MBNL2: variants seen among roughly 807,000 people sequenced by gnomAD.
MBNL2 encodes the protein muscleblind-like protein 2.
MBNL2 carries 17 observed loss-of-function variants against 41.9 expected under a neutral mutation model. The observed-to-expected ratio is 0.41, with a 90% CI of 0.28 to 0.61. The LOEUF (loss-of-function observed/expected upper bound fraction) is 0.61, where lower values mean the gene tolerates loss of function less well. Ranked by LOEUF, MBNL2 falls within the 20% of genes least tolerant of loss-of-function variation. The pLI is 0.35. For missense variants in MBNL2, 336 were observed against 505.6 expected, an observed-to-expected ratio of 0.66 and a Z score of 3.22; for synonymous variants, 195 against 182.9, an observed-to-expected ratio of 1.07 and a Z score of -0.53.
intron 2 of MBNL2, among the ~76,000 whole-genome samples, chr13:97,330,193 A>G (rs2060313404): frequency 6.6e-6 from 1 of 152,256 alleles, no homozygotes; most frequent in South Asian, 2.1e-4. Context: ...GCCTGGAAGT[A>G]TATGACCACC....
At chr13:97,339,876 G>A (rs1018635324) in intron 3 of MBNL2, among the ~76,000 whole-genome samples, 1 of 148,522 alleles carries the variant, frequency 6.7e-6, no homozygotes, top group Non-Finnish European at 1.5e-5. Flanking sequence ...TGTGTGGGCG[G>A]GGGGGGCGTT....
chr13:97,269,267 G>T (rs2050441133), intron 1 of MBNL2, among the ~76,000 whole-genome samples: 1 of 152,180 alleles, frequency 6.6e-6, no homozygotes, highest in Non-Finnish European at 1.5e-5. Context: ...ACACAAAACT[G>T]GAAAATAATG....
chr13:97,255,799 C>T (rs2047417412), intron 1 of MBNL2, among the ~76,000 whole-genome samples: 1 of 152,268 alleles, frequency 6.6e-6, no homozygotes, highest in East Asian at 1.9e-4. Context: ...GTGAAGCATC[C>T]ATAATCTACC....
intron 2 of MBNL2, among the ~76,000 whole-genome samples, chr13:97,285,358 A>G (rs17190154): frequency 0.1 from 15,947 of 152,246 alleles, 1,029 homozygotes; most frequent in Non-Finnish European, 0.14. Flanking sequence ...AGGTGATATG[A>G]ACAAATGACT....
At chr13:97,354,150 C>A (rs1289024917) in intron 5 of MBNL2, among the ~76,000 whole-genome samples, 1 of 99,296 alleles carries the variant, frequency 1.0e-5, no homozygotes, top group Admixed American at 8.6e-5. Context: ...GTTGGTGAGG[C>A]CAGTCAGATG....
chr13:97,228,076 G>A (rs1387533889), intron 1 of MBNL2, among the ~76,000 whole-genome samples: 1 of 152,170 alleles, frequency 6.6e-6, no homozygotes, highest in Non-Finnish European at 1.5e-5. Context: ...GGGAGTTGGG[G>A]GGGAAATGAA....
intron 8 of MBNL2, among the ~76,000 whole-genome samples, chr13:97,373,201 A>T (rs11843997): frequency 1.3e-5 from 2 of 152,176 alleles, no homozygotes; most frequent in South Asian, 4.1e-4. Context: ...AGAGACAGCA[A>T]CTGTCAGAAT....
upstream of MBNL2, among the ~76,000 whole-genome samples, chr13:97,216,583 C>G (rs755379080): frequency 2.0e-5 from 3 of 152,086 alleles, no homozygotes; most frequent in African/African-American, 7.2e-5. Flanking sequence ...TTCTAGGGAC[C>G]AGGCCATCTC....
chr13:97,242,846 A>G (rs901409159), intron 1 of MBNL2, among the ~76,000 whole-genome samples: 1 of 151,556 alleles, frequency 6.6e-6, no homozygotes, highest in African/African-American at 2.4e-5. Context: ...TGGGGATGCT[A>G]CTATAACTGG....
chr13:97,188,679 T>G, the MBNL2 span, among the ~76,000 whole-genome samples: 1 of 151,100 alleles, frequency 6.6e-6, no homozygotes, highest in South Asian at 2.1e-4. Flanking sequence ...AACATGCATG[T>G]TTGAAAGCTT....
At chr13:97,173,849 G>A in the MBNL2 span, among the ~76,000 whole-genome samples, 2 of 152,040 alleles carry the variant, frequency 1.3e-5, no homozygotes, top group South Asian at 2.1e-4. Flanking sequence ...AGTACTTATC[G>A]GATACCTCCA....
intron 1 of MBNL2, among the ~76,000 whole-genome samples, chr13:97,255,875 G>A (rs1357105962): frequency 6.6e-6 from 1 of 152,134 alleles, no homozygotes; most frequent in African/African-American, 2.4e-5. Flanking sequence ...AAAACCACTG[G>A]GGAAGCCAAA....
rs148505299 is a variant in MBNL2, at chr13:97,277,547, T to C, written c.174+1138T>C. Among the ~76,000 whole-genome samples, 169 of 152,354 alleles carry C rather than the reference T, an allele frequency of 1.1e-3. 1 individual carries two copies. In the East Asian group the frequency reaches 0.022, roughly 20 times the overall value. On this transcript the variant is annotated intron_variant, in intron 2 of 8. Coordinates refer to ENST00000679496, the MANE Select transcript of MBNL2 (RefSeq NM_001382683.1). The stretch of plus-strand genomic sequence containing the variant: ...GATAATTTTGTCTTAAGTAAAAAAT[T>C]ATGTCTCATAAGACATAAGTCAAAA...
the MBNL2 span, among the ~76,000 whole-genome samples, chr13:97,156,513 G>A: frequency 7.5e-6 from 1 of 134,010 alleles, no homozygotes; most frequent in South Asian, 2.7e-4. Flanking sequence ...TTCTTCTAGG[G>A]TTTTTATGGT....
intron 4 of MBNL2, among the ~76,000 whole-genome samples, chr13:97,343,814 G>A (rs2061618201): frequency 6.6e-6 from 1 of 152,172 alleles, no homozygotes; most frequent in Admixed American, 6.5e-5. Context: ...GTTTTGTTTG[G>A]TTTGGTTTTG....
At chr13:97,190,608 C>T in the MBNL2 span, among the ~76,000 whole-genome samples, 10 of 152,160 alleles carry the variant, frequency 6.6e-5, no homozygotes, top group African/African-American at 2.2e-4. Context: ...TCTATGATCC[C>T]AAGCCAGTCA....
chr13:97,201,095 T>C, the MBNL2 span, among the ~76,000 whole-genome samples: 1 of 152,140 alleles, frequency 6.6e-6, no homozygotes, highest in Non-Finnish European at 1.5e-5. Context: ...AAAAAAACTT[T>C]CTTCGAAAGC....
the MBNL2 span, among the ~76,000 whole-genome samples, chr13:97,177,362 A>T: frequency 6.6e-6 from 1 of 152,160 alleles, no homozygotes; most frequent in Non-Finnish European, 1.5e-5. Context: ...GAGAAATAAG[A>T]GAAGCTTTTG....
chr13:97,208,938 A>G, the MBNL2 span, among the ~76,000 whole-genome samples: 3 of 152,220 alleles, frequency 2.0e-5, no homozygotes, highest in Admixed American at 2.0e-4. Flanking sequence ...ACATAAACTC[A>G]GCAATTAAGT....
Sources: allele counts gnomAD v4.1 joint callset (sites outside exome capture counted in the v4.1 genomes callset), GRCh38; gene constraint gnomAD v4.1.1; transcripts MANE v1.5; gene names NCBI Gene and HGNC (gene_info 2026-07-23, HGNC 2026-07-21).